The following MYH9 variants were observed in gnomAD, a reference collection of about 807,000 sequenced individuals.
MYH9 encodes myosin heavy chain 9, also known as myosin-9.
In MYH9, 29 loss-of-function variants were observed where a neutral mutation model predicts 241.9. That is an observed-to-expected ratio of 0.12 (90% CI 0.09 to 0.16). MYH9 has a LOEUF of 0.16. Ranked by LOEUF, MYH9 falls within the 10% of genes least tolerant of loss-of-function variation. MYH9 has a pLI of 1.00. For missense variants in MYH9, 1,803 were observed against 2,595.5 expected (o/e 0.69, Z 6.63); for synonymous variants, 1,047 against 1,062.6 (o/e 0.99, Z 0.29).
At position 36,321,782 on chromosome 22, in the gene MYH9, T is replaced by C; in HGVS notation, c.745A>G (p.Ile249Val). The change falls in exon 7 of 41, where the codon ATT becomes GTT. Residue 249 changes from isoleucine (I) to valine (V), a missense_variant. Coordinates refer to ENST00000216181, the MANE Select transcript of MYH9 (RefSeq NM_002473.6). ...CAAGTCTCAATGTTGGCTCCAACAA[T>C]GTAGCCATTGACATCAAAGTTGATG... ...IRINFDVNGY[I>V]VGANIETYLL... is the part of the protein sequence containing the mutation. The C allele has an allele frequency of 1.2e-6, 2 of 1,614,170 alleles. No homozygotes were observed. Among genetic ancestry groups the C allele is most frequent in the Non-Finnish European group, 1.7e-6 (2 of 1,180,002 alleles).
chr22:36,282,817 GGGCCC>G (rs1184439078), intron 40 of MYH9, 32 bp from the exon 41 acceptor site: 77 of 1,583,008 alleles, frequency 4.9e-5, no homozygotes, highest in Non-Finnish European at 6.5e-5. Flanking sequence ...GAGGGTCAGC[GGGCCC>G]GGCCAGGCCA....
At chr22:36,294,397 G>T in intron 27 of MYH9, 99 bp from the exon 28 acceptor site, 1 of 1,349,764 alleles carries the variant, frequency 7.4e-7, no homozygotes, top group Non-Finnish European at 1.0e-6. Context: ...CGCTGCTTCT[G>T]CAGCCCTGAC....
At chr22:36,317,926 A>AT (rs2017184733) in intron 11 of MYH9, among the ~76,000 whole-genome samples, 1 of 152,252 alleles carries the variant, frequency 6.6e-6, no homozygotes, top group Non-Finnish European at 1.5e-5. Flanking sequence ...TATATCCTTG[A>AT]TGACCAATCA....
In MYH9 at chr22:36,320,082, T is replaced by C; in HGVS notation, c.1012+138A>G. On this transcript the variant is annotated intron_variant, in intron 9 of 40. Transcript: ENST00000216181. The surrounding 1 kb of genome is among the most constrained non-coding windows in gnomAD (Gnocchi z 4.8). ...GAACCTCAAATCTGAGGAATCATTT[T>C]CCCATACACTGAAGGCCTTCCCCTT... is the stretch of plus-strand genomic sequence containing the variant. 2.6e-6 allele frequency: 3 copies of C among 1,172,626 alleles called. No individual in the cohort carries two copies. The highest frequency in any genetic ancestry group is 3.7e-6 in the Non-Finnish European group (3 of 812,522). The allele number at this position is 1,172,626 out of a possible 1,614,324, so 72.6% of individuals were successfully genotyped here.
intron 1 of MYH9, among the ~76,000 whole-genome samples, chr22:36,382,145 A>C (rs894642621): frequency 3.3e-5 from 5 of 151,996 alleles, no homozygotes; most frequent in Admixed American, 3.3e-4. Flanking sequence ...ACCTTCTAAA[A>C]AGAGGGTTGT....
chr22:36,372,663 G>A (rs1257208844), intron 1 of MYH9, among the ~76,000 whole-genome samples: 1 of 152,176 alleles, frequency 6.6e-6, no homozygotes, highest in Non-Finnish European at 1.5e-5. Flanking sequence ...GGTCCCAAGA[G>A]CAGGCTGGAG....
At position 36,317,213 on chromosome 22, in the gene MYH9, G is replaced by A. The variant is rs560756258; in HGVS notation, c.1228-544C>T. On this transcript the variant is annotated intron_variant, in intron 11 of 40. Transcript: ENST00000216181. ...ACTGCTGAAGCCGCCTACGTGATGG[G>A]CACGTGGGGCTCTTTACACTCTCCC... Among the ~76,000 whole-genome samples the A allele has an allele frequency of 1.9e-4, 29 of 152,314 alleles. No homozygotes were observed. The South Asian group carries it at 2.7e-3, about 14-fold the overall frequency.
At chr22:36,292,373 C>T (rs1017153562) in intron 30 of MYH9, 139 bp from the exon 31 acceptor site, 3 of 1,136,952 alleles carry the variant, frequency 2.6e-6, no homozygotes, top group African/African-American at 1.5e-5. Context: ...AAACCGCCTC[C>T]CCCAGTCACT....
Position 36,295,654 on chromosome 22 carries a change from C to A in MYH9, c.3336G>T (p.Gln1112His), listed in dbSNP as rs2016776916. Residue 1112 changes from glutamine (Q) to histidine (H), a missense_variant, in exon 26 of 41, where the codon CAG becomes CAT. Physicochemically the swap from Gln to His is conservative, Grantham distance 24 (BLOSUM62 0). Transcript: ENST00000216181. This position sits in a 1 kb window ranked among gnomAD's most constrained non-coding sequence, Gnocchi z 4.1. ...CCAGGTCTTCCTGGAGTTCAGAGAT[C>A]TGAGATTCCAGCTCCCGGATCTTCT... Reference protein sequence around the residue: ...ALKKIRELESQISELQEDLES... With the variant: ...ALKKIRELESHISELQEDLES... 1 of 1,613,922 alleles carries A rather than the reference C, an allele frequency of 6.2e-7. No individual in the cohort carries two copies. Among genetic ancestry groups the A allele is most frequent in the Non-Finnish European group, 8.5e-7 (1 of 1,180,012 alleles).
rs547304749 is a variant in MYH9, at chr22:36,321,742, C to T, written c.769+16G>A. The stretch of plus-strand genomic sequence containing the variant: ...TCCGGATCCAGGACTCTTATCCCAA[C>T]GAACCACAAGGATACAAGTCTCAAT... On this transcript the variant is annotated intron_variant, in intron 7 of 40. Transcript: ENST00000216181. 13 of 1,612,684 alleles carry T rather than the reference C, an allele frequency of 8.1e-6. No homozygotes were observed. Among genetic ancestry groups the T allele is most frequent in the African/African-American group, 5.3e-5 (4 of 75,014 alleles).
At chr22:36,384,853 C>T (rs2018326975) in intron 1 of MYH9, among the ~76,000 whole-genome samples, 4 of 151,618 alleles carry the variant, frequency 2.6e-5, no homozygotes, top group Admixed American at 2.6e-4. Context: ...CACGTTCTTT[C>T]CACTACCCCA....
Position 36,349,195 on chromosome 22 carries a change from T to C in MYH9, c.42A>G (p.Lys14=). Reference sequence around the variant, plus strand: ...GGGCCAGCGGATTGTTGATGAAGTTTTTATCCACATAGAGATACTTATCGG... The same window carrying C: ...GGGCCAGCGGATTGTTGATGAAGTTCTTATCCACATAGAGATACTTATCGG... ...QAADKYLYVD[K]NFINNPLAQA... is the part of the protein sequence containing the mutation. Residue 14 remains lysine (K), a synonymous_variant, in exon 2 of 41, where the codon AAA becomes AAG. Coordinates refer to ENST00000216181, the MANE Select transcript of MYH9 (RefSeq NM_002473.6). The C allele has an allele frequency of 6.2e-7, 1 of 1,614,236 alleles. No homozygotes were observed. The highest frequency in any genetic ancestry group is 8.5e-7 in the Non-Finnish European group (1 of 1,180,044).
intron 1 of MYH9, among the ~76,000 whole-genome samples, chr22:36,375,488 A>G (rs2018151853): frequency 6.6e-6 from 1 of 152,176 alleles, no homozygotes; most frequent in African/African-American, 2.4e-5. Flanking sequence ...CTCTCTGCCC[A>G]TTGAATGAAT....
At chr22:36,338,303 G>A (rs1328004017) in intron 3 of MYH9, among the ~76,000 whole-genome samples, 2 of 151,876 alleles carry the variant, frequency 1.3e-5, no homozygotes, top group Non-Finnish European at 2.9e-5. Flanking sequence ...CCCAGCCGAA[G>A]AAGAAGGAAA....
intron 1 of MYH9, among the ~76,000 whole-genome samples, chr22:36,380,414 A>T (rs1461155600): frequency 6.6e-6 from 1 of 152,212 alleles, no homozygotes; most frequent in East Asian, 1.9e-4. Context: ...GGGAAGGGGC[A>T]TAATAGTGGA....
chr22:36,302,102 G>A (rs567729867), intron 20 of MYH9, among the ~76,000 whole-genome samples: 1 of 152,268 alleles, frequency 6.6e-6, no homozygotes, highest in South Asian at 2.1e-4. Context: ...ACATAGCTGA[G>A]GTTTTATAGG....
Position 36,305,498 on chromosome 22 carries a change from G to A in MYH9, c.2160-396C>T, listed in dbSNP as rs912658433. On this transcript the variant is annotated intron_variant, in intron 17 of 40. Coordinates refer to ENST00000216181, the MANE Select transcript of MYH9 (RefSeq NM_002473.6). This position sits in a 1 kb window ranked among gnomAD's most constrained non-coding sequence, Gnocchi z 4.7. ...CCCAAGAAATAAAGGGCTGCGTCCCGACAGCAACTGACACTCAGCACAGTC... is the reference window on the plus strand; with the variant it reads ...CCCAAGAAATAAAGGGCTGCGTCCCAACAGCAACTGACACTCAGCACAGTC... Among the ~76,000 whole-genome samples, 14 of 152,180 alleles carry A rather than the reference G, an allele frequency of 9.2e-5. No homozygotes were observed. The highest frequency in any genetic ancestry group is 3.1e-4 in the African/African-American group (13 of 41,448).
intron 1 of MYH9, among the ~76,000 whole-genome samples, chr22:36,387,264 G>A (rs529123563): frequency 2.2e-3 from 334 of 152,344 alleles, no homozygotes; most frequent in Middle Eastern, 6.8e-3. Context: ...GCAGCGGGAC[G>A]GTCCGACTCT....
chr22:36,351,180 G>GA (rs1389040580), intron 1 of MYH9, among the ~76,000 whole-genome samples: 3 of 152,164 alleles, frequency 2.0e-5, no homozygotes, highest in Non-Finnish European at 4.4e-5. Context: ...GGTTTTCCAG[G>GA]AAAAAACCTT....
Sources: allele counts gnomAD v4.1 joint callset (sites outside exome capture counted in the v4.1 genomes callset), GRCh38; gene constraint gnomAD v4.1.1; non-coding constraint Gnocchi (gnomAD v3.1); transcripts MANE v1.5; gene names NCBI Gene and HGNC (gene_info 2026-07-23, HGNC 2026-07-21).